DLG2: variants seen among roughly 807,000 people sequenced by gnomAD.
DLG2 encodes the protein discs large MAGUK scaffold protein 2.
DLG2 carries 45 observed loss-of-function variants against 132.5 expected under a neutral mutation model. That is an observed-to-expected ratio of 0.34 (90% CI 0.27 to 0.44). DLG2 has a LOEUF of 0.44. DLG2 is among the 20% of genes least tolerant of loss of function. The probability of loss-of-function intolerance (pLI) is 1.00; values close to 1 mark genes in which losing one functional copy is unlikely to be tolerated. For missense variants in DLG2, 1,045 were observed against 1,196.9 expected (o/e 0.87, Z 1.87); for synonymous variants, 424 against 419.6 (o/e 1.01, Z -0.13).
chr11:83,758,467 T>C (rs73511050), intron 18 of DLG2, among the ~76,000 whole-genome samples: 2,136 of 152,302 alleles, frequency 0.014, 58 homozygotes, highest in African/African-American at 0.049. Flanking sequence ...TAGTCACATT[T>C]ATCGAAATCT....
intron 7 of DLG2, among the ~76,000 whole-genome samples, chr11:84,317,534 C>T (rs952164890): frequency 1.3e-5 from 2 of 152,122 alleles, no homozygotes; most frequent in African/African-American, 4.8e-5. Flanking sequence ...TTTCCCTTTC[C>T]TTGCCGATCC....
At chr11:83,884,235 C>T (rs1451405532) in intron 15 of DLG2, among the ~76,000 whole-genome samples, 2 of 152,188 alleles carry the variant, frequency 1.3e-5, no homozygotes, top group Admixed American at 6.5e-5. Context: ...GGGTCACTCC[C>T]ACCCTAATAC....
At chr11:84,470,334 C>G (rs2099105367) in intron 7 of DLG2, among the ~76,000 whole-genome samples, 1 of 151,734 alleles carries the variant, frequency 6.6e-6, no homozygotes, top group African/African-American at 2.4e-5. Context: ...TTGCTTTCAT[C>G]TGCTCATTTA....
At chr11:84,333,790 CATACTGGGAATTAATTT>C (rs1302973179) in intron 7 of DLG2, among the ~76,000 whole-genome samples, 5 of 152,188 alleles carry the variant, frequency 3.3e-5, no homozygotes, top group Admixed American at 1.3e-4. Flanking sequence ...TAGTATCACT[CATACTGGGAATTAATTT>C]ATTCTAAGGA....
intron 18 of DLG2, among the ~76,000 whole-genome samples, chr11:83,668,691 ATGTGTATATAAACACATATATATG>A (rs2076177031): frequency 6.0e-5 from 1 of 16,550 alleles, no homozygotes; most frequent in African/African-American, 3.6e-4. Context: ...GTGTATATAT[ATGTGTATATAAACACATATATATG>A]TGTATATAAA....
intron 11 of DLG2, among the ~76,000 whole-genome samples, chr11:84,035,676 G>C (rs1566141113): frequency 6.6e-6 from 1 of 152,166 alleles, no homozygotes; most frequent in Non-Finnish European, 1.5e-5. Flanking sequence ...TTTGCAGCTG[G>C]GGTTGATATA....
intron 3 of DLG2, among the ~76,000 whole-genome samples, chr11:85,466,090 T>A (rs1223828653): frequency 6.6e-6 from 1 of 152,260 alleles, no homozygotes; most frequent in South Asian, 2.1e-4. Flanking sequence ...GTCTTTTGAC[T>A]ACATAAATGT....
At chr11:84,352,549 GA>G (rs1394477306) in intron 7 of DLG2, among the ~76,000 whole-genome samples, 1 of 152,154 alleles carries the variant, frequency 6.6e-6, no homozygotes, top group Non-Finnish European at 1.5e-5. Context: ...CAGCTAGGGT[GA>G]GCCACAAAAA....
intron 19 of DLG2, among the ~76,000 whole-genome samples, chr11:83,581,419 C>T (rs920581256): frequency 1.3e-5 from 2 of 151,944 alleles, no homozygotes; most frequent in Admixed American, 6.6e-5. Context: ...ATTCTATAAG[C>T]AAGATGCTCT....
chr11:83,718,924 A>T (rs909040522), intron 18 of DLG2, among the ~76,000 whole-genome samples: 1 of 152,150 alleles, frequency 6.6e-6, no homozygotes, highest in African/African-American at 2.4e-5. Context: ...TGCAGCTGGG[A>T]CTAGTTTTGA....
At chr11:84,970,858 A>C (rs561458976) in intron 6 of DLG2, among the ~76,000 whole-genome samples, 1 of 152,302 alleles carries the variant, frequency 6.6e-6, no homozygotes, top group Admixed American at 6.5e-5. Flanking sequence ...TAACCATAGC[A>C]GGGAAGCTTT....
chr11:83,900,491 G>T (rs1044338400), intron 15 of DLG2, among the ~76,000 whole-genome samples: 1 of 152,110 alleles, frequency 6.6e-6, no homozygotes, highest in Admixed American at 6.5e-5. Context: ...TAGGGACTTG[G>T]TGCCTTGTGT....
chr11:83,487,754 T>C (rs1328156720), intron 21 of DLG2, among the ~76,000 whole-genome samples: 1 of 152,044 alleles, frequency 6.6e-6, no homozygotes, highest in Admixed American at 6.6e-5. Flanking sequence ...TTTGTGATAG[T>C]CATTCATATT....
rs754269086 is a variant in DLG2 at position 85,404,633 on chromosome 11, A to G, written c.41-119268T>C. On this transcript the variant is annotated intron_variant, in intron 3 of 27. Coordinates refer to ENST00000376104, the MANE Select transcript of DLG2 (RefSeq NM_001142699.3). ...ACAGGACAGCACCCATTTAAAGGAC[A>G]ATCAAGAAAAATTATGAAACCAAGA... Among the ~76,000 whole-genome samples the G allele has an allele frequency of 3.3e-5, 5 of 152,106 alleles. No individual in the cohort carries two copies. The South Asian group carries it at 8.3e-4, about 25-fold the overall frequency.
chr11:83,834,257 A>G (rs2055449439), intron 16 of DLG2, among the ~76,000 whole-genome samples: 1 of 152,220 alleles, frequency 6.6e-6, no homozygotes, highest in Non-Finnish European at 1.5e-5. Context: ...CTGAGACATT[A>G]AGAATACTTA....
chr11:85,035,214 T>C (rs2061346472), intron 6 of DLG2, among the ~76,000 whole-genome samples: 2 of 152,200 alleles, frequency 1.3e-5, no homozygotes, highest in Non-Finnish European at 2.9e-5. Flanking sequence ...GGTTGAACTC[T>C]TACAAATGTG....
chr11:85,433,613 G>A (rs2091314551), intron 3 of DLG2, among the ~76,000 whole-genome samples: 1 of 152,212 alleles, frequency 6.6e-6, no homozygotes, highest in South Asian at 2.1e-4. Flanking sequence ...GACAAGAAGT[G>A]TTAACTGTCT....
chr11:84,550,115 T>TACACAC lies in DLG2; in HGVS notation c.358-15390_358-15385dup, dbSNP rs60598747. 4.1e-3 allele frequency among the ~76,000 whole-genome samples: 593 copies of TACACAC among 145,932 alleles called. 6 individuals are homozygous for TACACAC. Among genetic ancestry groups the TACACAC allele is most frequent in the African/African-American group, 0.01 (401 of 39,634 alleles). ...TTCCAAGTATTGTAAAACGAGCCTA[T>TACACAC]ACACACACACACACACACACACACA... On this transcript the variant is annotated intron_variant, in intron 6 of 27. Coordinates refer to ENST00000376104, the MANE Select transcript of DLG2 (RefSeq NM_001142699.3).
At chr11:84,908,816 A>AT (rs2091800512) in intron 6 of DLG2, among the ~76,000 whole-genome samples, 1 of 151,276 alleles carries the variant, frequency 6.6e-6, no homozygotes, top group African/African-American at 2.4e-5. Flanking sequence ...TTGAAAGCAT[A>AT]TTTCAACATA....
Sources: gnomAD v4.1 joint callset for allele counts (sites outside exome capture counted in the v4.1 genomes callset) on GRCh38, gnomAD v4.1.1 for gene constraint, MANE v1.5 for transcripts, NCBI Gene and HGNC (gene_info 2026-07-23, HGNC 2026-07-21) for gene names.